The following TIMM23B variants were observed in gnomAD, a reference collection of about 807,000 sequenced individuals.
The protein encoded by TIMM23B is translocase of inner mitochondrial membrane 23 homolog B.
A neutral mutation model predicts 27.3 loss-of-function variants in TIMM23B; 27 were observed. The observed-to-expected ratio is 0.99, with a 90% CI of 0.73 to 1.36. TIMM23B has a LOEUF of 1.36. Among genes scored for constraint, TIMM23B ranks in the 40% most tolerant of loss-of-function variants. TIMM23B has a pLI of 0.00. For missense variants in TIMM23B, 205 were observed against 244.2 expected, an observed-to-expected ratio of 0.84 and a Z score of 1.07; for synonymous variants, 73 against 92.4, an observed-to-expected ratio of 0.79 and a Z score of 1.21.
chr10:49,973,149 G>C lies in TIMM23B; in HGVS notation c.*85G>C, dbSNP rs552522079. 34 of 1,023,526 alleles carry C rather than the reference G, an allele frequency of 3.3e-5. 1 individual carries two copies. The Admixed American group carries it at 6.1e-4, about 18-fold the overall frequency. The allele number at this position is 1,023,526 out of a possible 1,614,324, so 63.4% of individuals were successfully genotyped here. The stretch of plus-strand genomic sequence containing the variant: ...AAAAGGCAGCAAAGTATTAGTAAGT[G>C]TACCTCTGACATTTTAACCACCTCT... On this transcript the variant is annotated 3_prime_UTR_variant, in exon 7 of 7. Coordinates refer to ENST00000651259, the MANE Select transcript of TIMM23B (RefSeq NM_001290117.2).
intron 4 of TIMM23B, among the ~76,000 whole-genome samples, chr10:49,953,008 T>G (rs1403942004): frequency 6.6e-6 from 1 of 152,216 alleles, no homozygotes; most frequent in Non-Finnish European, 1.5e-5. Context: ...TAAATAAAAT[T>G]TTTAGAATTA....
chr10:49,957,931 G>A (rs1277739029), intron 5 of TIMM23B, among the ~76,000 whole-genome samples: 1 of 152,172 alleles, frequency 6.6e-6, no homozygotes, highest in African/African-American at 2.4e-5. Context: ...TCTTCTTCCT[G>A]GGTATGGGGT....
chr10:49,967,358 C>G (rs2805288), intron 6 of TIMM23B, among the ~76,000 whole-genome samples: 1 of 152,236 alleles, frequency 6.6e-6, no homozygotes, highest in Non-Finnish European at 1.5e-5. Context: ...TTTCCAAATC[C>G]ATGAATCTGG....
At chr10:49,969,500 T>C (rs1392569035) in intron 6 of TIMM23B, among the ~76,000 whole-genome samples, 1 of 151,024 alleles carries the variant, frequency 6.6e-6, no homozygotes, top group East Asian at 1.9e-4. Flanking sequence ...GACAGATTGC[T>C]TGAGCCCAGG....
chr10:49,971,191 G>C (rs1840429131), intron 6 of TIMM23B, among the ~76,000 whole-genome samples: 1 of 151,912 alleles, frequency 6.6e-6, no homozygotes, highest in South Asian at 2.1e-4. Flanking sequence ...CAAAAACTGC[G>C]GAAGGCCGCA....
chr10:49,942,530 C>T (rs1839158224), intron 1 of TIMM23B, among the ~76,000 whole-genome samples: 2 of 152,102 alleles, frequency 1.3e-5, no homozygotes, highest in Admixed American at 6.5e-5. Flanking sequence ...CCTGGACTCG[C>T]GAGATGATGC....
intron 6 of TIMM23B, among the ~76,000 whole-genome samples, chr10:49,962,928 G>A (rs1174441001): frequency 6.9e-6 from 1 of 143,994 alleles, no homozygotes; most frequent in Admixed American, 7.0e-5. Context: ...TTTCACTCTC[G>A]TTGGCCAGAC....
At chr10:49,951,752 A>G (rs1176974062) in intron 2 of TIMM23B, among the ~76,000 whole-genome samples, 1 of 152,246 alleles carries the variant, frequency 6.6e-6, no homozygotes, top group Admixed American at 6.5e-5. Flanking sequence ...AAAATGCACA[A>G]TAAATAGCTG....
chr10:49,948,892 CT>C (rs1199055230), intron 2 of TIMM23B, among the ~76,000 whole-genome samples: 65 of 152,122 alleles, frequency 4.3e-4, no homozygotes, highest in Non-Finnish European at 7.1e-4. Context: ...TTCTCTCTCT[CT>C]TTTTTTTCTA....
At chr10:49,947,909 CAGAG>C (rs1183460395) in intron 2 of TIMM23B, among the ~76,000 whole-genome samples, 1 of 152,054 alleles carries the variant, frequency 6.6e-6, no homozygotes, top group Non-Finnish European at 1.5e-5. Flanking sequence ...GCCTGGGTGA[CAGAG>C]AGAGACTTTG....
At chr10:49,968,933 C>T (rs2813144) in intron 6 of TIMM23B, among the ~76,000 whole-genome samples, 14 of 152,240 alleles carry the variant, frequency 9.2e-5, no homozygotes, top group African/African-American at 2.9e-4. Context: ...TATAAAATTG[C>T]GGTATGATGA....
intron 4 of TIMM23B, 116 bp from the exon 5 acceptor site, chr10:49,954,886 A>G (rs1839663529): frequency 2.1e-6 from 2 of 957,226 alleles, no homozygotes; most frequent in Non-Finnish European, 3.2e-6. Flanking sequence ...GTATTTTAGA[A>G]TTTAAAAAAC....
chr10:49,954,707 T>A (rs1251681310), intron 4 of TIMM23B, among the ~76,000 whole-genome samples: 18 of 147,586 alleles, frequency 1.2e-4, no homozygotes, highest in African/African-American at 4.2e-4. Context: ...ATTCATTATA[T>A]TATACATTTA....
At chr10:49,955,607 A>G (rs1174597252) in intron 5 of TIMM23B, among the ~76,000 whole-genome samples, 34 of 152,324 alleles carry the variant, frequency 2.2e-4, no homozygotes, top group Admixed American at 6.5e-4. Context: ...CTTTCATACC[A>G]TATTGTTTAT....
chr10:49,971,510 A>G (rs1589056494), intron 6 of TIMM23B, among the ~76,000 whole-genome samples: 2 of 152,316 alleles, frequency 1.3e-5, no homozygotes, highest in East Asian at 3.9e-4. Flanking sequence ...ATACATGACT[A>G]CATGCTTCAG....
chr10:49,956,385 C>G (rs1839721854), intron 5 of TIMM23B, among the ~76,000 whole-genome samples: 1 of 146,166 alleles, frequency 6.8e-6, no homozygotes. Context: ...AGAATCAAAC[C>G]TCACTTTTTT....
intron 6 of TIMM23B, 37 bp from the exon 7 acceptor site, chr10:49,972,975 T>C (rs1415100081): frequency 4.6e-6 from 5 of 1,088,812 alleles, no homozygotes; most frequent in East Asian, 2.6e-5. Flanking sequence ...CATTTCTTGA[T>C]AATATGTTTG....
chr10:49,957,264 T>G lies in TIMM23B; in HGVS notation c.404-1106T>G, dbSNP rs1303433773. Among the ~76,000 whole-genome samples, 1,309 of 149,468 alleles carry G rather than the reference T, an allele frequency of 8.8e-3. 13 individuals carry two copies. The highest frequency in any genetic ancestry group is 0.03 in the African/African-American group (1,221 of 40,688). ...CGTATTTATTATAAAGATTTTTTTT[T>G]TTTTTTTTTTGAGACAAGGTCTTGC... On this transcript the variant is annotated intron_variant, in intron 5 of 6. Transcript: ENST00000651259.
intron 6 of TIMM23B, among the ~76,000 whole-genome samples, chr10:49,971,153 G>A (rs1263265044): frequency 9.4e-4 from 143 of 151,986 alleles, no homozygotes; most frequent in Admixed American, 1.6e-3. Flanking sequence ...AGTCATCACC[G>A]CTCCCTAATC....
Sources: allele counts gnomAD v4.1 joint callset (sites outside exome capture counted in the v4.1 genomes callset), GRCh38; gene constraint gnomAD v4.1.1; transcripts MANE v1.5; gene names NCBI Gene and HGNC (gene_info 2026-07-23, HGNC 2026-07-21).